PTPRD: variants seen among roughly 807,000 people sequenced by gnomAD.
PTPRD encodes the protein receptor-type tyrosine-protein phosphatase delta.
In PTPRD, 34 loss-of-function variants were observed where a neutral mutation model predicts 214.5. The observed-to-expected ratio is 0.16, with a 90% CI of 0.12 to 0.21. The LOEUF (loss-of-function observed/expected upper bound fraction) is 0.21, where lower values mean the gene tolerates loss of function less well. PTPRD is among the 10% of genes least tolerant of loss of function. PTPRD has a pLI of 1.00. For missense variants in PTPRD, 2,545 were observed against 2,398.7 expected (o/e 1.06, Z -1.27); for synonymous variants, 1,128 against 845.7 (o/e 1.33, Z -5.79).
intron 7 of PTPRD, among the ~76,000 whole-genome samples, chr9:9,707,335 C>A (rs1017266225): frequency 1.3e-5 from 2 of 152,070 alleles, no homozygotes; most frequent in Non-Finnish European, 2.9e-5. Flanking sequence ...GTGAATAAAT[C>A]CCTTCAAGTC....
At chr9:9,292,560 C>G (rs1445063317) in intron 9 of PTPRD, among the ~76,000 whole-genome samples, 2 of 151,426 alleles carry the variant, frequency 1.3e-5, no homozygotes, top group African/African-American at 4.8e-5. Context: ...TAACATCTTA[C>G]ATTAGTATGG....
intron 12 of PTPRD, among the ~76,000 whole-genome samples, chr9:8,704,317 A>G (rs1334947481): frequency 1.3e-5 from 2 of 152,156 alleles, no homozygotes; most frequent in African/African-American, 2.4e-5. Flanking sequence ...CAGTAATATA[A>G]TCTCAGTAGG....
At chr9:8,556,633 G>A (rs7846893) in intron 14 of PTPRD, among the ~76,000 whole-genome samples, 20,841 of 151,982 alleles carry the variant, frequency 0.14, 4,347 homozygotes, top group African/African-American at 0.45. Context: ...TATCCAAGGA[G>A]TCCACTTGCA....
chr9:9,977,252 C>A (rs2095389944), intron 4 of PTPRD, among the ~76,000 whole-genome samples: 1 of 152,054 alleles, frequency 6.6e-6, no homozygotes, highest in Non-Finnish European at 1.5e-5. Context: ...GTAGAACTTA[C>A]CAATTTGAAG....
At chr9:9,692,031 G>A (rs920727769) in intron 7 of PTPRD, among the ~76,000 whole-genome samples, 1 of 151,960 alleles carries the variant, frequency 6.6e-6, no homozygotes, top group African/African-American at 2.4e-5. Context: ...TTAATCTCCT[G>A]TCAAGTGAGT....
At chr9:10,043,446 T>A (rs1293528783) in intron 3 of PTPRD, among the ~76,000 whole-genome samples, 1 of 151,846 alleles carries the variant, frequency 6.6e-6, no homozygotes, top group African/African-American at 2.4e-5. Context: ...TGGCTATTAC[T>A]CCTGGTAAAG....
intron 9 of PTPRD, among the ~76,000 whole-genome samples, chr9:9,247,234 CAG>C (rs145075803): frequency 0.011 from 1,711 of 152,086 alleles, 31 homozygotes; most frequent in African/African-American, 0.039. Flanking sequence ...GAAGGCCATA[CAG>C]AGAGGTCAAG....
intron 3 of PTPRD, among the ~76,000 whole-genome samples, chr9:10,050,516 T>G (rs1237628967): frequency 8.4e-6 from 1 of 118,920 alleles, no homozygotes; most frequent in Admixed American, 1.2e-4. Flanking sequence ...GCCGAAATAG[T>G]GCCACTGCAC....
chr9:9,754,680 A>ATTGGAAGG (rs1263775767), intron 6 of PTPRD, among the ~76,000 whole-genome samples: 3 of 152,074 alleles, frequency 2.0e-5, no homozygotes, highest in Non-Finnish European at 4.4e-5. Context: ...ACAAAGTATA[A>ATTGGAAGG]TTGGAAGGTT....
intron 8 of PTPRD, among the ~76,000 whole-genome samples, chr9:9,496,176 A>G (rs2096178259): frequency 6.6e-6 from 1 of 152,212 alleles, no homozygotes; most frequent in Non-Finnish European, 1.5e-5. Flanking sequence ...ATATGACACC[A>G]AAAACTTAGG....
At chr9:9,261,679 G>A (rs1021456364) in intron 9 of PTPRD, among the ~76,000 whole-genome samples, 1 of 142,906 alleles carries the variant, frequency 7.0e-6, no homozygotes, top group Admixed American at 6.9e-5. Context: ...TGTGTGTTCA[G>A]GAGGGAGAGG....
intron 5 of PTPRD, among the ~76,000 whole-genome samples, chr9:9,916,032 C>A (rs957687393): frequency 6.6e-6 from 1 of 151,226 alleles, no homozygotes; most frequent in East Asian, 1.9e-4. Context: ...TCAGCAGAAA[C>A]CTTAGAGGCA....
chr9:10,368,823 A>T (rs2097560789), intron 2 of PTPRD, among the ~76,000 whole-genome samples: 1 of 152,118 alleles, frequency 6.6e-6, no homozygotes, highest in South Asian at 2.1e-4. Flanking sequence ...ATGATACAAA[A>T]ATTTACTGAT....
At chr9:10,236,912 A>G (rs2099630845) in intron 3 of PTPRD, among the ~76,000 whole-genome samples, 3 of 151,948 alleles carry the variant, frequency 2.0e-5, no homozygotes, top group African/African-American at 7.2e-5. Flanking sequence ...AAGTATTAAA[A>G]ATATTATTCT....
At chr9:9,889,789 G>C (rs1471922710) in intron 5 of PTPRD, among the ~76,000 whole-genome samples, 1 of 123,280 alleles carries the variant, frequency 8.1e-6, no homozygotes, top group Admixed American at 7.5e-5. Flanking sequence ...TTCCTGCTGA[G>C]TGTGTGTGTG....
At chr9:10,178,788 G>C (rs1325826764) in intron 3 of PTPRD, among the ~76,000 whole-genome samples, 1 of 151,898 alleles carries the variant, frequency 6.6e-6, no homozygotes, top group African/African-American at 2.4e-5. Flanking sequence ...TTACTCACTA[G>C]ATGTGAGGAG....
chr9:8,671,259 G>A (rs1008589096), intron 12 of PTPRD, among the ~76,000 whole-genome samples: 2 of 152,030 alleles, frequency 1.3e-5, no homozygotes, highest in Admixed American at 6.6e-5. Flanking sequence ...TATATGCAAG[G>A]TATCATCCCT....
chr9:9,919,732 G>C (rs528470166), intron 5 of PTPRD, among the ~76,000 whole-genome samples: 13 of 152,216 alleles, frequency 8.5e-5, no homozygotes, highest in Admixed American at 7.9e-4. Context: ...GGCTATATTA[G>C]GTAGTTTCAG....
chr9:10,228,468 G>C (rs10121893), intron 3 of PTPRD, among the ~76,000 whole-genome samples: 1 of 151,824 alleles, frequency 6.6e-6, no homozygotes, highest in Non-Finnish European at 1.5e-5. Context: ...GCTTGTCATA[G>C]AACTCTAAGA....
Sources: gnomAD v4.1 joint callset for allele counts (sites outside exome capture counted in the v4.1 genomes callset) on GRCh38, gnomAD v4.1.1 for gene constraint, MANE v1.5 for transcripts, NCBI Gene and HGNC (gene_info 2026-07-23, HGNC 2026-07-21) for gene names.